The following TTC7B variants were observed in gnomAD, a reference collection of about 807,000 sequenced individuals.
TTC7B encodes tetratricopeptide repeat domain 7B, also known as tetratricopeptide repeat protein 7B.
Under a neutral mutation model 106.8 loss-of-function variants are expected in TTC7B, and 28 were observed. That is an observed-to-expected ratio of 0.26 (90% CI 0.19 to 0.36). The LOEUF (loss-of-function observed/expected upper bound fraction) is 0.36, where lower values mean the gene tolerates loss of function less well. Among genes scored for constraint, TTC7B ranks in the 10% least tolerant of loss-of-function variants. The probability of loss-of-function intolerance (pLI) is 1.00; values close to 1 mark genes in which losing one functional copy is unlikely to be tolerated. For missense variants in TTC7B, 862 were observed against 1,076.4 expected, an observed-to-expected ratio of 0.80 and a Z score of 2.79; for synonymous variants, 405 against 430.6, an observed-to-expected ratio of 0.94 and a Z score of 0.74.
intron 1 of TTC7B, among the ~76,000 whole-genome samples, chr14:90,786,783 G>A (rs996028190): frequency 6.6e-6 from 1 of 152,122 alleles, no homozygotes; most frequent in Non-Finnish European, 1.5e-5. Flanking sequence ...GTTTCACCAT[G>A]TTAGCCAGGC....
chr14:90,814,153 C>T (rs1164158816), intron 1 of TTC7B, among the ~76,000 whole-genome samples: 3 of 152,166 alleles, frequency 2.0e-5, no homozygotes, highest in East Asian at 1.9e-4. Context: ...ACAGTGCCCC[C>T]GCAAACCCCG....
chr14:90,760,695 G>A (rs1342858166), intron 3 of TTC7B, among the ~76,000 whole-genome samples: 1 of 152,212 alleles, frequency 6.6e-6, no homozygotes, highest in Non-Finnish European at 1.5e-5. Flanking sequence ...GTGCTTATAG[G>A]TGGAGCTGTC....
chr14:90,630,539 T>A (rs1359033153), intron 15 of TTC7B, among the ~76,000 whole-genome samples: 17 of 152,232 alleles, frequency 1.1e-4, no homozygotes, highest in African/African-American at 4.8e-5. Flanking sequence ...TACAGTTTAG[T>A]GGCATTGTGT....
chr14:90,687,586 G>A (rs943045084), intron 7 of TTC7B, among the ~76,000 whole-genome samples: 2 of 152,176 alleles, frequency 1.3e-5, no homozygotes, highest in Non-Finnish European at 2.9e-5. Context: ...TAAAGCAGGG[G>A]AAAACTTTAG....
At position 90,577,345 on chromosome 14, in the gene TTC7B, C is replaced by T. The variant is rs561760376; in HGVS notation, c.2310+761G>A. Among the ~76,000 whole-genome samples the T allele has an allele frequency of 2.6e-5, 4 of 152,178 alleles. No homozygotes were observed. The highest frequency in any genetic ancestry group is 7.2e-5 in the African/African-American group (3 of 41,440). On this transcript the variant is annotated intron_variant, in intron 19 of 19. Coordinates refer to ENST00000328459, the MANE Select transcript of TTC7B (RefSeq NM_001010854.2). This position sits in a 1 kb window ranked among gnomAD's most constrained non-coding sequence, Gnocchi z 5.0. The stretch of plus-strand genomic sequence containing the variant: ...CTGCCGAGGCAGCTGCACTAACACA[C>T]GTTCATAACGGACAGAACCCTCCTG...
chr14:90,544,257 C>T (rs919548152), intron 19 of TTC7B, among the ~76,000 whole-genome samples: 19 of 152,264 alleles, frequency 1.2e-4, no homozygotes, highest in African/African-American at 4.6e-4. Flanking sequence ...AAGAACACAA[C>T]AGAAATACCC....
chr14:90,706,326 C>T (rs1325916702), intron 5 of TTC7B, among the ~76,000 whole-genome samples: 2 of 152,052 alleles, frequency 1.3e-5, no homozygotes, highest in Non-Finnish European at 2.9e-5. Flanking sequence ...CCACACCTGG[C>T]TAATTTTTTT....
intron 16 of TTC7B, among the ~76,000 whole-genome samples, chr14:90,611,228 T>C (rs960397798): frequency 6.6e-6 from 1 of 152,152 alleles, no homozygotes; most frequent in Non-Finnish European, 1.5e-5. Flanking sequence ...CATGAAGAGT[T>C]GTCTTCATGA....
chr14:90,646,644 T>G (rs1885467846), intron 14 of TTC7B: 1 of 291,196 alleles, frequency 3.4e-6, no homozygotes, highest in African/African-American at 2.1e-5. Context: ...GGCTCTTTGA[T>G]GACTCCTGGG....
At position 90,680,553 on chromosome 14, in the gene TTC7B, C is replaced by G; in HGVS notation, c.951-18G>C. The G allele has an allele frequency of 6.2e-7, 1 of 1,609,708 alleles. No individual in the cohort carries two copies. The highest frequency in any genetic ancestry group is 8.5e-7 in the Non-Finnish European group (1 of 1,176,398). ...AAAAAATGCTGCAGTTGAAAGAAAA[C>G]TGACTTTGATATATGGCAGTTTCAA... is the stretch of plus-strand genomic sequence containing the variant. On this transcript the variant is annotated intron_variant, in intron 7 of 19. Transcript: ENST00000328459.
rs1327624285 is a variant in TTC7B, at chr14:90,624,222, C to T, written c.1752-6177G>A. 1.3e-5 allele frequency among the ~76,000 whole-genome samples: 2 copies of T among 152,170 alleles called. No homozygotes were observed. The highest frequency in any genetic ancestry group is 2.9e-5 in the Non-Finnish European group (2 of 68,024). ...ATCAAAGTTTTACTTTTCATTAAAA[C>T]AAATAGAAATACTATTTTACTGTAC... On this transcript the variant is annotated intron_variant, in intron 15 of 19. Coordinates refer to ENST00000328459, the MANE Select transcript of TTC7B (RefSeq NM_001010854.2). This position sits in a 1 kb window ranked among gnomAD's most constrained non-coding sequence, Gnocchi z 4.0.
chr14:90,776,972 A>G (rs1340501360), intron 3 of TTC7B, among the ~76,000 whole-genome samples: 1 of 152,226 alleles, frequency 6.6e-6, no homozygotes, highest in African/African-American at 2.4e-5. Flanking sequence ...ATGGTGGCTC[A>G]TGCCTTTAAT....
In TTC7B at chr14:90,786,272, G is replaced by C; in HGVS notation, c.178C>G (p.His60Asp). The C allele has an allele frequency of 6.2e-7, 1 of 1,613,090 alleles. No individual in the cohort carries two copies. The highest frequency in any genetic ancestry group is 8.5e-7 in the Non-Finnish European group (1 of 1,179,568). Residue 60 changes from histidine to aspartate, a missense_variant, in exon 2 of 20, where the codon CAC becomes GAC. Physicochemically the swap from His to Asp is moderately conservative, Grantham distance 81 (BLOSUM62 -1). Coordinates refer to ENST00000328459, the MANE Select transcript of TTC7B (RefSeq NM_001010854.2). Reference protein sequence around the residue: ...ESKLEQYLKEHPLRQGASPRG... With the variant: ...ESKLEQYLKEDPLRQGASPRG... ...GGACTGGCCCCCTGCCTCAGGGGGT[G>C]TTCCTTCAGGTACTGCTCCAGCTTC...
intron 19 of TTC7B, among the ~76,000 whole-genome samples, chr14:90,553,023 G>A (rs2139774230): frequency 6.6e-6 from 1 of 152,360 alleles, no homozygotes; most frequent in South Asian, 2.1e-4. Flanking sequence ...TTTTGTCTGG[G>A]GCAGGGACGG....
intron 4 of TTC7B, among the ~76,000 whole-genome samples, chr14:90,735,678 G>A (rs905652782): frequency 6.6e-6 from 1 of 151,930 alleles, no homozygotes; most frequent in Non-Finnish European, 1.5e-5. Context: ...GGGCAACACA[G>A]CGAAACCTCA....
chr14:90,583,784 C>T, intron 18 of TTC7B, among the ~76,000 whole-genome samples: 1 of 152,102 alleles, frequency 6.6e-6, no homozygotes, highest in East Asian at 1.9e-4. Context: ...TCTTAGGAAC[C>T]CTTGGTTTGT....
chr14:90,568,902 G>A (rs917470154), intron 19 of TTC7B, among the ~76,000 whole-genome samples: 1 of 152,182 alleles, frequency 6.6e-6, no homozygotes, highest in Non-Finnish European at 1.5e-5. Flanking sequence ...AGCTAAAAAA[G>A]TGCAGTTTCA....
rs1890697907 is a variant in TTC7B at position 90,766,848 on chromosome 14, G to T, written c.445+13890C>A. The T allele has an allele frequency of 1.7e-5, 27 of 1,596,690 alleles. No individual in the cohort carries two copies. In the South Asian group the frequency reaches 2.8e-4, roughly 16 times the overall value. ...TCCTAGCCAATGGTCTGGACAACAA[G>T]CTCCATGAAGACCTGGAGCGACTGA... On this transcript the variant is annotated intron_variant, in intron 3 of 19. Coordinates refer to ENST00000328459, the MANE Select transcript of TTC7B (RefSeq NM_001010854.2).
intron 15 of TTC7B, among the ~76,000 whole-genome samples, chr14:90,625,478 T>C (rs1393144050): frequency 6.6e-6 from 1 of 152,214 alleles, no homozygotes; most frequent in East Asian, 1.9e-4. Context: ...TGGCTGGGTT[T>C]CCAAAGCACC....
Sources: gnomAD v4.1 joint callset for allele counts (sites outside exome capture counted in the v4.1 genomes callset) on GRCh38, gnomAD v4.1.1 for gene constraint, Gnocchi (gnomAD v3.1) non-coding constraint, MANE v1.5 for transcripts, NCBI Gene and HGNC (gene_info 2026-07-23, HGNC 2026-07-21) for gene names.